Variants in A1CF observed in about 807,000 individuals in gnomAD.
A1CF encodes APOBEC1 complementation factor.
In A1CF, 48 loss-of-function variants were observed where a neutral mutation model predicts 68.9. The observed-to-expected ratio is 0.70, with a 90% CI of 0.55 to 0.89. A1CF has a LOEUF of 0.89. A1CF is among the 40% of genes least tolerant of loss of function. The pLI, the probability that A1CF is intolerant of heterozygous loss-of-function variation, is 0.00. For missense variants in A1CF, 653 were observed against 718.9 expected (o/e 0.91, Z 1.05); for synonymous variants, 272 against 260.4 (o/e 1.04, Z -0.43).
At chr10:50,849,816 C>G (rs576426423) in intron 3 of A1CF, among the ~76,000 whole-genome samples, 1 of 93,320 alleles carries the variant, frequency 1.1e-5, no homozygotes, top group African/African-American at 4.0e-5. Context: ...TTTTTTGAGA[C>G]GGAGTCTCGC....
chr10:50,836,062 G>C lies in A1CF; in HGVS notation c.604+12C>G. The C allele has an allele frequency of 6.3e-7, 1 of 1,585,242 alleles. No homozygotes were observed. Among genetic ancestry groups the C allele is most frequent in the Non-Finnish European group, 8.6e-7 (1 of 1,165,026 alleles). ...GCAGAGAAGTCTCATCTTTGAGGAG[G>C]GGATTGCTAACCTGGTAGCAGTTTC... is the stretch of plus-strand genomic sequence containing the variant. On this transcript the variant is annotated intron_variant, in intron 6 of 12. Transcript: ENST00000373997.
intron 5 of A1CF, 51 bp from the exon 6 acceptor site, chr10:50,836,363 G>A: frequency 6.4e-7 from 1 of 1,559,124 alleles, no homozygotes; most frequent in East Asian, 2.3e-5. Flanking sequence ...TAGGATTCAG[G>A]TTGAAAATGT....
At position 50,841,990 on chromosome 10, in the gene A1CF, G is replaced by A. The variant is rs777129780; in HGVS notation, c.237C>T (p.Ile79=). 48 of 1,606,000 alleles carry A rather than the reference G, an allele frequency of 3.0e-5. No homozygotes were observed. Among genetic ancestry groups the A allele is most frequent in the Non-Finnish European group, 2.9e-5 (34 of 1,174,658 alleles). Reference sequence around the variant, plus strand: ...TCATTCTCATTTCATAAATTTTACCGATCTGCAAGTAATAGAAATAGAACA... The same window carrying A: ...TCATTCTCATTTCATAAATTTTACCAATCTGCAAGTAATAGAAATAGAACA... ...EDELIPLCEK[I]GKIYEMRMMM... Residue 79 remains isoleucine (I), a splice_region_variant and synonymous_variant, in exon 5 of 13, where the codon ATC becomes ATT. Coordinates refer to ENST00000373997, the MANE Select transcript of A1CF (RefSeq NM_014576.4).
In A1CF at chr10:50,814,042, C is replaced by T. The variant is rs1266895015; in HGVS notation, c.1142-4G>A. ...AGTCCTCTCACTCCCGCAGCCCCTACAGGTACATTCATGTAAATTTCTAGG... is the reference window on the plus strand; with the variant it reads ...AGTCCTCTCACTCCCGCAGCCCCTATAGGTACATTCATGTAAATTTCTAGG... On this transcript the variant is annotated splice_region_variant and splice_polypyrimidine_tract_variant and intron_variant, in intron 9 of 12. Transcript: ENST00000373997. 1.2e-6 allele frequency: 2 copies of T among 1,613,188 alleles called. No homozygotes were observed. Among genetic ancestry groups the T allele is most frequent in the Non-Finnish European group, 1.7e-6 (2 of 1,179,688 alleles).
In A1CF at chr10:50,818,333, C is replaced by A. The variant is rs184819930; in HGVS notation, c.868-2054G>T. Among the ~76,000 whole-genome samples, 239 of 152,106 alleles carry A rather than the reference C, an allele frequency of 1.6e-3. 1 individual carries two copies. The highest frequency in any genetic ancestry group is 1.7e-3 in the Non-Finnish European group (117 of 67,998). On this transcript the variant is annotated intron_variant, in intron 8 of 12. Transcript: ENST00000373997. ...TCTAACAAATTAAATATAAATATCT[C>A]TATATATGCTCAAAAACCTTCATAG...
intron 5 of A1CF, among the ~76,000 whole-genome samples, chr10:50,839,923 G>T (rs1429024261): frequency 3.3e-5 from 5 of 152,110 alleles, no homozygotes; most frequent in African/African-American, 9.7e-5. Flanking sequence ...TGTATTTTTA[G>T]TAGAGATGAG....
chr10:50,830,439 A>G (rs1356478599), intron 6 of A1CF, among the ~76,000 whole-genome samples: 1 of 152,208 alleles, frequency 6.6e-6, no homozygotes, highest in Admixed American at 6.6e-5. Context: ...ACTAACATAC[A>G]TAAATAAGTA....
chr10:50,819,351 G>A (rs549886767), intron 8 of A1CF, among the ~76,000 whole-genome samples: 1 of 152,172 alleles, frequency 6.6e-6, no homozygotes, highest in African/African-American at 2.4e-5. Flanking sequence ...TTGCACTCCT[G>A]GGCTCAAGCA....
chr10:50,822,820 A>G (rs574896177), intron 7 of A1CF: 2 of 152,338 alleles, frequency 1.3e-5, no homozygotes, highest in Admixed American at 1.3e-4. Flanking sequence ...ACGTTGGCCA[A>G]TGATGACCTT....
rs747698786 is a variant in A1CF, at chr10:50,845,943, G to C, written c.100-1821C>G. ...CACTCCCACCTGGGTGATAGAGCAAGACTCTGTCTCAAAAAAAAAAAAAAA... is the reference window on the plus strand; with the variant it reads ...CACTCCCACCTGGGTGATAGAGCAACACTCTGTCTCAAAAAAAAAAAAAAA... On this transcript the variant is annotated intron_variant, in intron 3 of 12. Coordinates refer to ENST00000373997, the MANE Select transcript of A1CF (RefSeq NM_014576.4). Among the ~76,000 whole-genome samples, 60 of 138,968 alleles carry C rather than the reference G, an allele frequency of 4.3e-4. 1 individual carries two copies. Among genetic ancestry groups the C allele is most frequent in the Non-Finnish European group, 6.9e-4 (45 of 64,868 alleles). 91.2% of individuals were successfully genotyped at this position (138,968 alleles called of 152,430 possible).
intron 5 of A1CF, among the ~76,000 whole-genome samples, chr10:50,838,240 G>A (rs1442636071): frequency 2.0e-5 from 3 of 152,156 alleles, no homozygotes; most frequent in Non-Finnish European, 2.9e-5. Flanking sequence ...TGTCCTAGCT[G>A]TCTCCTACGC....
intron 3 of A1CF, among the ~76,000 whole-genome samples, chr10:50,844,344 C>T (rs915434219): frequency 1.3e-5 from 2 of 151,972 alleles, no homozygotes; most frequent in African/African-American, 4.8e-5. Flanking sequence ...ATTGTGAAAA[C>T]TTGTAAACTG....
chr10:50,836,429 G>A, intron 5 of A1CF, 117 bp from the exon 6 acceptor site: 1 of 1,130,480 alleles, frequency 8.8e-7, no homozygotes, highest in Non-Finnish European at 1.2e-6. Context: ...TCATAGTGTT[G>A]AAACCATTTT....
intron 3 of A1CF, among the ~76,000 whole-genome samples, chr10:50,856,604 C>T (rs572328525): frequency 3.9e-5 from 6 of 152,086 alleles, no homozygotes; most frequent in Non-Finnish European, 8.8e-5. Context: ...TTTTCTGAGT[C>T]TAACCAAAAA....
At position 50,844,102 on chromosome 10, in the gene A1CF, A is replaced by G. The variant is rs1839896777; in HGVS notation, c.120T>C (p.Tyr40=). Residue 40 remains tyrosine (Y), a synonymous_variant, in exon 4 of 13, where the codon TAT becomes TAC. Transcript: ENST00000373997. ...CATCCCAACCAGGTGGAGGGCCACC[A>G]TATTTTCTTTGTCCATTTTCCTGCA... ...SLVQENGQRK[Y]GGPPPGWDAA... 2 of 1,611,970 alleles carry G rather than the reference A, an allele frequency of 1.2e-6. No individual in the cohort carries two copies. The highest frequency in any genetic ancestry group is 1.7e-5 in the Admixed American group (1 of 59,496).
intron 5 of A1CF, among the ~76,000 whole-genome samples, chr10:50,836,540 C>CT (rs898550870): frequency 5.9e-5 from 9 of 152,030 alleles, no homozygotes; most frequent in African/African-American, 2.2e-4. Flanking sequence ...CATCTGCTTT[C>CT]TTTTTTTATT....
chr10:50,848,908 C>A (rs970328177), intron 3 of A1CF, among the ~76,000 whole-genome samples: 12 of 152,166 alleles, frequency 7.9e-5, no homozygotes, highest in African/African-American at 2.7e-4. Flanking sequence ...GACTCCTGTG[C>A]ATGGTTCTTA....
In A1CF at chr10:50,809,642, A is replaced by G. The variant is rs566530952; in HGVS notation, c.1609+252T>C. 2.6e-5 allele frequency among the ~76,000 whole-genome samples: 4 copies of G among 152,298 alleles called. No homozygotes were observed. In the South Asian group the frequency reaches 8.3e-4, roughly 32 times the overall value. Reference sequence around the variant, plus strand: ...ACCAAAACAAACCAGACTCAGAGAGACTGACTCATTCAAGATCACACAGCA... The same window carrying G: ...ACCAAAACAAACCAGACTCAGAGAGGCTGACTCATTCAAGATCACACAGCA... On this transcript the variant is annotated intron_variant, in intron 12 of 12. Coordinates refer to ENST00000373997, the MANE Select transcript of A1CF (RefSeq NM_014576.4).
chr10:50,828,055 T>A, intron 7 of A1CF, 76 bp downstream of exon 7: 3 of 1,095,576 alleles, frequency 2.7e-6, no homozygotes, highest in Non-Finnish European at 3.7e-6. Context: ...GACAAATTCC[T>A]CGACACATAC....
Sources: gnomAD v4.1 joint callset for allele counts (sites outside exome capture counted in the v4.1 genomes callset) on GRCh38, gnomAD v4.1.1 for gene constraint, MANE v1.5 for transcripts, NCBI Gene and HGNC (gene_info 2026-07-23, HGNC 2026-07-21) for gene names.